The following TESK2 variants were observed in gnomAD, a reference collection of about 807,000 sequenced individuals.
TESK2 encodes testis associated actin remodelling kinase 2.
In TESK2, 39 loss-of-function variants were observed where a neutral mutation model predicts 57.1. The observed-to-expected ratio is 0.68, with a 90% CI of 0.53 to 0.89. The LOEUF is 0.89. TESK2 is among the 40% of genes least tolerant of loss of function. The pLI is 0.00. For missense variants in TESK2, 646 were observed against 732.1 expected (o/e 0.88, Z 1.36); for synonymous variants, 249 against 267.9 (o/e 0.93, Z 0.69).
chr1:45,402,516 C>G (rs1466830582), intron 3 of TESK2, among the ~76,000 whole-genome samples: 1 of 146,504 alleles, frequency 6.8e-6, no homozygotes, highest in African/African-American at 2.5e-5. Context: ...GAGTTTAGCT[C>G]TTGTTGCCCA....
chr1:45,388,354 T>C (rs1648983389), intron 3 of TESK2, among the ~76,000 whole-genome samples: 1 of 152,196 alleles, frequency 6.6e-6, no homozygotes, highest in Non-Finnish European at 1.5e-5. Flanking sequence ...ATAATTCTAT[T>C]CCCATTATCC....
intron 1 of TESK2, among the ~76,000 whole-genome samples, chr1:45,485,416 G>A (rs974469119): frequency 4.6e-5 from 7 of 151,864 alleles, no homozygotes; most frequent in South Asian, 2.1e-4. Context: ...CTAGATCTCC[G>A]GACCTCGTGA....
chr1:45,443,568 C>CAAAAA (rs34128016), intron 2 of TESK2, among the ~76,000 whole-genome samples: 4 of 32,022 alleles, frequency 1.2e-4, no homozygotes, highest in African/African-American at 1.2e-4. Context: ...AGATCCATCG[C>CAAAAA]AAAAAAAAAA....
At chr1:45,444,955 G>A (rs1651589849) in intron 2 of TESK2, among the ~76,000 whole-genome samples, 1 of 150,912 alleles carries the variant, frequency 6.6e-6, no homozygotes, top group South Asian at 2.1e-4. Flanking sequence ...TGGTTCAGGG[G>A]TCATGCAGCC....
intron 2 of TESK2, among the ~76,000 whole-genome samples, chr1:45,427,382 C>T (rs949469251): frequency 6.6e-6 from 1 of 152,060 alleles, no homozygotes; most frequent in African/African-American, 2.4e-5. Flanking sequence ...ATAGAGCTAC[C>T]ATATGATCCA....
intron 3 of TESK2, among the ~76,000 whole-genome samples, chr1:45,396,730 C>G (rs1649377169): frequency 6.6e-6 from 1 of 151,668 alleles, no homozygotes; most frequent in Non-Finnish European, 1.5e-5. Context: ...CTCAGGTGAT[C>G]CACCTGCCTC....
intron 3 of TESK2, among the ~76,000 whole-genome samples, chr1:45,410,123 T>G (rs1423951841): frequency 1.3e-5 from 2 of 151,774 alleles, no homozygotes; most frequent in Admixed American, 6.6e-5. Flanking sequence ...GCCACTGTAC[T>G]CCAGCCTGGG....
intron 2 of TESK2, among the ~76,000 whole-genome samples, chr1:45,436,067 C>G (rs1467410990): frequency 6.6e-6 from 1 of 151,804 alleles, no homozygotes; most frequent in Non-Finnish European, 1.5e-5. Flanking sequence ...TATGATGCCT[C>G]CAGCTTTGTT....
intron 2 of TESK2, among the ~76,000 whole-genome samples, chr1:45,425,779 C>T (rs111804400): frequency 1.1e-3 from 170 of 152,094 alleles, no homozygotes; most frequent in Non-Finnish European, 2.2e-3. Flanking sequence ...TTAAAATTCC[C>T]ATACTACTCA....
chr1:45,425,123 C>G (rs184542210), intron 2 of TESK2, among the ~76,000 whole-genome samples: 3 of 152,234 alleles, frequency 2.0e-5, no homozygotes, highest in African/African-American at 7.2e-5. Context: ...CCAAATTATT[C>G]TTGTCTGCAG....
intron 3 of TESK2, among the ~76,000 whole-genome samples, chr1:45,411,328 G>A (rs1010335363): frequency 3.3e-5 from 5 of 152,096 alleles, no homozygotes; most frequent in African/African-American, 9.7e-5. Context: ...CCACAGACTC[G>A]GGTGAGGGTC....
intron 2 of TESK2, among the ~76,000 whole-genome samples, chr1:45,445,019 T>C (rs1408615782): frequency 1.3e-5 from 2 of 152,172 alleles, no homozygotes; most frequent in African/African-American, 4.8e-5. Flanking sequence ...AACATCACTA[T>C]TGCAAAACCT....
At chr1:45,451,483 G>A (rs1651867062) in intron 2 of TESK2, among the ~76,000 whole-genome samples, 1 of 152,194 alleles carries the variant, frequency 6.6e-6, no homozygotes, top group African/African-American at 2.4e-5. Flanking sequence ...GAAGCCTGAG[G>A]GAGGCAGCAT....
intron 3 of TESK2, among the ~76,000 whole-genome samples, chr1:45,390,901 C>T (rs1220644295): frequency 1.3e-5 from 2 of 150,950 alleles, no homozygotes; most frequent in Non-Finnish European, 2.9e-5. Flanking sequence ...AGCCATTGCA[C>T]CCAGCCTCTA....
chr1:45,448,247 A>AG (rs953781959), intron 2 of TESK2, among the ~76,000 whole-genome samples: 2 of 149,722 alleles, frequency 1.3e-5, no homozygotes, highest in Non-Finnish European at 3.0e-5. Context: ...CAAAAAAAAA[A>AG]AAAAAAAAGA....
chr1:45,408,264 T>C (rs1649921972), intron 3 of TESK2, among the ~76,000 whole-genome samples: 3 of 152,218 alleles, frequency 2.0e-5, no homozygotes, highest in Non-Finnish European at 2.9e-5. Flanking sequence ...CAGCTGGACA[T>C]AGGATTCTAA....
At chr1:45,475,797 T>C (rs1236973224) in intron 1 of TESK2, among the ~76,000 whole-genome samples, 3 of 152,178 alleles carry the variant, frequency 2.0e-5, no homozygotes, top group Non-Finnish European at 2.9e-5. Flanking sequence ...AGGCAGAAGA[T>C]GGAAAAGCAG....
intron 1 of TESK2, among the ~76,000 whole-genome samples, chr1:45,468,679 A>AT (rs2149303593): frequency 6.6e-6 from 1 of 152,314 alleles, no homozygotes; most frequent in South Asian, 2.1e-4. Context: ...GTATTAATAT[A>AT]CTTTTTTTGG....
rs777737840 is a variant in TESK2, at chr1:45,355,279, G to A, written c.540+24C>T. On this transcript the variant is annotated intron_variant, in intron 5 of 10. Transcript: ENST00000372086. ...AGAGAAGGGTGGTATCTCTCAATGA[G>A]TTGTGAGAGTAAAGCCTTCATACCT... is the stretch of plus-strand genomic sequence containing the variant. 8 of 1,611,472 alleles carry A rather than the reference G, an allele frequency of 5.0e-6. No individual in the cohort carries two copies. The Admixed American group carries it at 6.7e-5, about 14-fold the overall frequency.
Sources: gnomAD v4.1 joint callset for allele counts (sites outside exome capture counted in the v4.1 genomes callset) on GRCh38, gnomAD v4.1.1 for gene constraint, MANE v1.5 for transcripts, NCBI Gene and HGNC (gene_info 2026-07-23, HGNC 2026-07-21) for gene names.